The following ADIPOR1 variants were observed in gnomAD, a reference collection of about 807,000 sequenced individuals.
ADIPOR1 encodes the protein adiponectin receptor 1.
In ADIPOR1, 15 loss-of-function variants were observed where a neutral mutation model predicts 37.5. The ratio of observed to expected loss-of-function variants is 0.40; its 90% confidence interval spans 0.27 to 0.62. The LOEUF is 0.62. ADIPOR1 is among the 20% of genes least tolerant of loss of function. The pLI is 0.42. For missense variants in ADIPOR1, 286 were observed against 478.0 expected (o/e 0.60, Z 3.75); for synonymous variants, 173 against 173.2 (o/e 1.00, Z 0.01).
At chr1:202,952,816 T>C (rs1468012485) in intron 1 of ADIPOR1, among the ~76,000 whole-genome samples, 1 of 152,246 alleles carries the variant, frequency 6.6e-6, no homozygotes, top group Non-Finnish European at 1.5e-5. Context: ...TGTATCCTAT[T>C]GGTGCTTTCT....
At chr1:202,949,352 G>A (rs900592568) in intron 2 of ADIPOR1, among the ~76,000 whole-genome samples, 16 of 150,984 alleles carry the variant, frequency 1.1e-4, no homozygotes, top group African/African-American at 2.9e-4. Context: ...AGGCCGAGGC[G>A]GGCGGATCAC....
intron 1 of ADIPOR1, among the ~76,000 whole-genome samples, chr1:202,957,619 T>G (rs549392413): frequency 9.2e-5 from 14 of 152,252 alleles, no homozygotes; most frequent in African/African-American, 3.1e-4. Context: ...CATTTCAGCC[T>G]TCAGGATTAC....
intron 3 of ADIPOR1, among the ~76,000 whole-genome samples, chr1:202,947,991 C>T (rs1242414779): frequency 6.6e-6 from 1 of 152,154 alleles, no homozygotes; most frequent in Non-Finnish European, 1.5e-5. Context: ...TAGTGCTCAT[C>T]ATTCATGTAT....
chr1:202,942,994 A>C (rs1238711017), intron 6 of ADIPOR1, among the ~76,000 whole-genome samples: 1 of 151,316 alleles, frequency 6.6e-6, no homozygotes, highest in Non-Finnish European at 1.5e-5. Context: ...TCAGCCTCTC[A>C]AGTAGCTGGA....
At chr1:202,952,765 G>C (rs1177815897) in intron 1 of ADIPOR1, among the ~76,000 whole-genome samples, 1 of 152,134 alleles carries the variant, frequency 6.6e-6, no homozygotes, top group Non-Finnish European at 1.5e-5. Context: ...ATAATCTCAT[G>C]AGCCAATTCC....
rs758877241 is a variant in ADIPOR1 at position 202,950,974 on chromosome 1, G to A, written c.97C>T (p.Leu33=). ...DTVELAELGP[L]LEEKGKRVIA... is the part of the protein sequence containing the mutation. The stretch of plus-strand genomic sequence containing the variant: ...ACCCGTTTGCCCTTCTCTTCTAGCA[G>A]GGGTCCCAGTTCAGCCAGTTCCACC... Residue 33 remains leucine (L), a synonymous_variant, in exon 2 of 8, where the codon CTG becomes TTG. Transcript: ENST00000340990. The A allele has an allele frequency of 8.7e-6, 14 of 1,614,070 alleles. No individual in the cohort carries two copies. The South Asian group carries it at 1.5e-4, about 18-fold the overall frequency.
At chr1:202,955,419 T>C (rs1654744636) in intron 1 of ADIPOR1, among the ~76,000 whole-genome samples, 2 of 151,988 alleles carry the variant, frequency 1.3e-5, no homozygotes, top group African/African-American at 4.8e-5. Flanking sequence ...AGAGACAAGG[T>C]CTCACTATGT....
chr1:202,943,294 T>A (rs80207299), intron 6 of ADIPOR1, among the ~76,000 whole-genome samples: 1 of 152,230 alleles, frequency 6.6e-6, no homozygotes, highest in African/African-American at 2.4e-5. Context: ...CCAGATGAGA[T>A]GAGACAACAC....
chr1:202,950,327 A>G (rs1425776389), intron 2 of ADIPOR1, among the ~76,000 whole-genome samples: 1 of 151,876 alleles, frequency 6.6e-6, no homozygotes, highest in East Asian at 2.0e-4. Context: ...TAATTCCAAC[A>G]CTTTGGGAGG....
intron 1 of ADIPOR1, among the ~76,000 whole-genome samples, chr1:202,957,330 G>T (rs1410443973): frequency 6.6e-6 from 1 of 152,016 alleles, no homozygotes; most frequent in Non-Finnish European, 1.5e-5. Flanking sequence ...CCCGTCTTCT[G>T]AATCACTTGA....
chr1:202,944,072 T>C, intron 5 of ADIPOR1, 127 bp from the exon 6 acceptor site: 1 of 806,648 alleles, frequency 1.2e-6, no homozygotes. Context: ...TCCTGTATTG[T>C]AGACTCCCAT....
At chr1:202,955,241 T>TA (rs148593523) in intron 1 of ADIPOR1, among the ~76,000 whole-genome samples, 1 of 151,580 alleles carries the variant, frequency 6.6e-6, no homozygotes, top group Non-Finnish European at 1.5e-5. Flanking sequence ...TTTTTTTTTT[T>TA]AAAAGGGTCT....
intron 6 of ADIPOR1, among the ~76,000 whole-genome samples, chr1:202,943,472 T>G (rs1033664708): frequency 2.6e-5 from 4 of 152,244 alleles, no homozygotes; most frequent in Non-Finnish European, 5.9e-5. Flanking sequence ...CTGTGCTTGC[T>G]ACATTTTTAA....
chr1:202,943,954 A>G lies in ADIPOR1; in HGVS notation c.618-9T>C. ...TCCCTGAATAGTCCAGTCTAAAAAG[A>G]ACCACAAAAATGAAACAAATCAGTG... On this transcript the variant is annotated splice_polypyrimidine_tract_variant and intron_variant, in intron 5 of 7. Transcript: ENST00000340990. The G allele has an allele frequency of 6.2e-7, 1 of 1,604,172 alleles. No homozygotes were observed. Among genetic ancestry groups the G allele is most frequent in the African/African-American group, 1.3e-5 (1 of 74,736 alleles).
chr1:202,949,442 A>C (rs1654471678), intron 2 of ADIPOR1, among the ~76,000 whole-genome samples: 1 of 151,522 alleles, frequency 6.6e-6, no homozygotes, highest in East Asian at 2.0e-4. Context: ...TAGCCGGGCG[A>C]GGTGGCGGGC....
chr1:202,953,600 C>T (rs1255458507), intron 1 of ADIPOR1, among the ~76,000 whole-genome samples: 1 of 152,178 alleles, frequency 6.6e-6, no homozygotes, highest in East Asian at 1.9e-4. Flanking sequence ...TCTCTTATCC[C>T]TTTCCCCAGA....
At position 202,941,559 on chromosome 1, in the gene ADIPOR1, G is replaced by A. The variant is rs61822676; in HGVS notation, c.*14C>T. 0.013 allele frequency: 20,871 copies of A among 1,598,404 alleles called. 174 individuals are homozygous for A. The highest frequency in any genetic ancestry group is 0.015 in the Non-Finnish European group (17,612 of 1,175,430). On this transcript the variant is annotated 3_prime_UTR_variant, in exon 8 of 8. Transcript: ENST00000340990. ...ACTTGGGAAGTTCCTCCTCCACCCCGCAGGTGGGAAGGCTCAGAGAAGGGT... is the reference window on the plus strand; with the variant it reads ...ACTTGGGAAGTTCCTCCTCCACCCCACAGGTGGGAAGGCTCAGAGAAGGGT...
rs1654197854 is a variant in ADIPOR1, at chr1:202,943,846, G to C, written c.717C>G (p.Leu239=). 2 of 1,614,198 alleles carry C rather than the reference G, an allele frequency of 1.2e-6. No individual in the cohort carries two copies. The highest frequency in any genetic ancestry group is 1.1e-5 in the South Asian group (1 of 91,082). Residue 239 remains leucine, a synonymous_variant, in exon 6 of 8, where the codon CTC becomes CTG. Transcript: ENST00000340990. ...AAATGCCCAGGACACAGACGATGGA[G>C]AGGTAGATGAGCCGTGGCTGTGGGG... The part of the protein sequence containing the change: ...YCSPQPRLIY[L]SIVCVLGISA...
chr1:202,957,400 T>C (rs952215889), intron 1 of ADIPOR1, among the ~76,000 whole-genome samples: 6 of 152,088 alleles, frequency 3.9e-5, no homozygotes, highest in African/African-American at 1.2e-4. Flanking sequence ...CTTTGACATC[T>C]GAAACGGTGT....
Sources: gnomAD v4.1 joint callset for allele counts (sites outside exome capture counted in the v4.1 genomes callset) on GRCh38, gnomAD v4.1.1 for gene constraint, MANE v1.5 for transcripts, NCBI Gene and HGNC (gene_info 2026-07-23, HGNC 2026-07-21) for gene names.